Variants in RAB27B observed in about 807,000 individuals in gnomAD.
RAB27B encodes ras-related protein Rab-27B.
RAB27B carries 15 observed loss-of-function variants against 24.6 expected under a neutral mutation model. The ratio of observed to expected loss-of-function variants is 0.61; its 90% CI spans 0.41 to 0.94. RAB27B has a LOEUF of 0.94. RAB27B is among the 40% of genes least tolerant of loss of function. The probability of loss-of-function intolerance (pLI) is 0.00; values close to 1 mark genes in which losing one functional copy is unlikely to be tolerated. For missense variants in RAB27B, 261 were observed against 266.8 expected, an observed-to-expected ratio of 0.98 and a Z score of 0.15; for synonymous variants, 105 against 92.5, an observed-to-expected ratio of 1.14 and a Z score of -0.78.
At chr18:54,860,655 T>C (rs186683600) in intron 1 of RAB27B, among the ~76,000 whole-genome samples, 36 of 152,338 alleles carry the variant, frequency 2.4e-4, no homozygotes, top group African/African-American at 8.2e-4. Context: ...TGAAGAAACA[T>C]TTTCCCCAAT....
At chr18:54,726,179 T>TC (rs1192149144) in intron 2 of RAB27B, among the ~76,000 whole-genome samples, 1 of 151,466 alleles carries the variant, frequency 6.6e-6, no homozygotes, top group African/African-American at 2.4e-5. Context: ...ACCTACTCTT[T>TC]CCCCCAAGTT....
chr18:54,875,829 T>G (rs543759397), intron 1 of RAB27B, among the ~76,000 whole-genome samples: 32 of 152,266 alleles, frequency 2.1e-4, no homozygotes, highest in African/African-American at 7.7e-4. Flanking sequence ...GCAAAAGTTT[T>G]CAGTTTTGAT....
intron 5 of RAB27B, 122 bp downstream of exon 5, chr18:54,888,240 G>T (rs1913226255): frequency 2.6e-6 from 3 of 1,134,352 alleles, no homozygotes; most frequent in Non-Finnish European, 3.7e-6. Flanking sequence ...GGATTAAAAA[G>T]ATCTTTCAGA....
intron 2 of RAB27B, among the ~76,000 whole-genome samples, chr18:54,743,509 A>G (rs1910135263): frequency 6.6e-6 from 1 of 152,218 alleles, no homozygotes; most frequent in African/African-American, 2.4e-5. Flanking sequence ...AACTCAGTCC[A>G]TGTGGAACTT....
At chr18:54,783,040 C>T (rs1598901143) in intron 2 of RAB27B, among the ~76,000 whole-genome samples, 1 of 152,246 alleles carries the variant, frequency 6.6e-6, no homozygotes, top group South Asian at 2.1e-4. Flanking sequence ...TCACCACAAC[C>T]TCCACTTCCT....
chr18:54,745,866 A>T (rs1021064988), intron 2 of RAB27B, among the ~76,000 whole-genome samples: 1 of 147,286 alleles, frequency 6.8e-6, no homozygotes, highest in Admixed American at 6.8e-5. Context: ...TATTTAATAA[A>T]ATAAATATAA....
At chr18:54,719,445 A>G (rs541743069) in intron 2 of RAB27B, among the ~76,000 whole-genome samples, 2 of 152,182 alleles carry the variant, frequency 1.3e-5, no homozygotes, top group African/African-American at 4.8e-5. Flanking sequence ...TGCTACCTAT[A>G]CTTTTTAAAT....
At chr18:54,842,182 C>G (rs1911145245) in intron 1 of RAB27B, among the ~76,000 whole-genome samples, 1 of 152,222 alleles carries the variant, frequency 6.6e-6, no homozygotes. Context: ...ATGATAATTT[C>G]AAGTCAGAGA....
chr18:54,801,106 G>A (rs1028706571), intron 2 of RAB27B, among the ~76,000 whole-genome samples: 9 of 145,894 alleles, frequency 6.2e-5, no homozygotes, highest in African/African-American at 2.3e-4. Flanking sequence ...CCCGTCTCCT[G>A]GCTTCAAGCA....
intron 2 of RAB27B, among the ~76,000 whole-genome samples, chr18:54,758,761 A>G (rs1047410480): frequency 1.2e-4 from 18 of 152,128 alleles, no homozygotes; most frequent in Admixed American, 9.8e-4. Context: ...AAGGCATTCG[A>G]TGGTGATTCT....
At chr18:54,764,242 G>A (rs967031262) in intron 2 of RAB27B, among the ~76,000 whole-genome samples, 7 of 152,160 alleles carry the variant, frequency 4.6e-5, no homozygotes, top group South Asian at 4.2e-4. Flanking sequence ...AACACCCATC[G>A]AACTGGGCTA....
intron 2 of RAB27B, among the ~76,000 whole-genome samples, chr18:54,798,283 T>G (rs1161528244): frequency 6.6e-6 from 1 of 152,248 alleles, no homozygotes; most frequent in Non-Finnish European, 1.5e-5. Context: ...CAGGAGACCC[T>G]GAGGAATCCA....
intron 2 of RAB27B, among the ~76,000 whole-genome samples, chr18:54,746,003 A>T (rs1362909756): frequency 6.6e-6 from 1 of 152,056 alleles, no homozygotes; most frequent in Non-Finnish European, 1.5e-5. Context: ...ACAGATATGC[A>T]GGATGCTATG....
intron 2 of RAB27B, among the ~76,000 whole-genome samples, chr18:54,742,316 G>A (rs1486729392): frequency 2.6e-5 from 4 of 152,020 alleles, no homozygotes; most frequent in Non-Finnish European, 5.9e-5. Flanking sequence ...TCGTACATGC[G>A]GTTTATTTGA....
intron 2 of RAB27B, among the ~76,000 whole-genome samples, chr18:54,769,018 C>A (rs1030627705): frequency 6.6e-6 from 1 of 152,124 alleles, no homozygotes; most frequent in Non-Finnish European, 1.5e-5. Context: ...ATTCCAAAAC[C>A]AATCATGCCT....
At chr18:54,840,309 A>G (rs1598948096) in intron 1 of RAB27B, among the ~76,000 whole-genome samples, 1 of 152,198 alleles carries the variant, frequency 6.6e-6, no homozygotes, top group Non-Finnish European at 1.5e-5. Flanking sequence ...AAGCTAGGAA[A>G]TCAATGATTT....
At chr18:54,801,039 G>A (rs1200203346) in intron 2 of RAB27B, among the ~76,000 whole-genome samples, 1 of 104,892 alleles carries the variant, frequency 9.5e-6, no homozygotes, top group Non-Finnish European at 1.8e-5. Context: ...TTTTAACAGA[G>A]TCTTGCTCTG....
chr18:54,821,656 A>G (rs7229340), intron 2 of RAB27B, among the ~76,000 whole-genome samples: 1 of 152,250 alleles, frequency 6.6e-6, no homozygotes, highest in Non-Finnish European at 1.5e-5. Flanking sequence ...ACTTCAAATT[A>G]TAAGGTTTAT....
chr18:54,799,614 ATTTTTTTTTTTTTTTTTTTT>A (rs869256244), intron 2 of RAB27B, among the ~76,000 whole-genome samples: 1 of 67,526 alleles, frequency 1.5e-5, no homozygotes, highest in African/African-American at 6.0e-5. Context: ...TAATAAAATG[ATTTTTTTTTTTTTTTTTTTT>A]TTTTTTTTTT....
Sources: allele counts gnomAD v4.1 joint callset (sites outside exome capture counted in the v4.1 genomes callset), GRCh38; gene constraint gnomAD v4.1.1; transcripts MANE v1.5; gene names NCBI Gene and HGNC (gene_info 2026-07-23, HGNC 2026-07-21).